Variants in KIAA0232 observed in about 807,000 individuals in gnomAD.
KIAA0232 encodes KIAA0232.
KIAA0232 carries 27 observed loss-of-function variants against 122.0 expected under a neutral mutation model. The observed-to-expected ratio is 0.22, with a 90% CI of 0.16 to 0.31. The LOEUF (loss-of-function observed/expected upper bound fraction) is 0.31. Among genes scored for constraint, KIAA0232 ranks in the 10% least tolerant of loss-of-function variants. The pLI, the probability that KIAA0232 is intolerant of heterozygous loss-of-function variation, is 1.00. For missense variants in KIAA0232, 1,551 were observed against 1,634.2 expected, an observed-to-expected ratio of 0.95 and a Z score of 0.88; for synonymous variants, 613 against 587.6, an observed-to-expected ratio of 1.04 and a Z score of -0.63.
chr4:6,809,400 C>G (rs1470771166), intron 2 of KIAA0232, among the ~76,000 whole-genome samples: 1 of 152,192 alleles, frequency 6.6e-6, no homozygotes, highest in Non-Finnish European at 1.5e-5. Context: ...CCAGTGCCAG[C>G]TTTGGTGCAG....
At chr4:6,875,043 C>T (rs1721678326) in intron 8 of KIAA0232, among the ~76,000 whole-genome samples, 1 of 152,184 alleles carries the variant, frequency 6.6e-6, no homozygotes, top group Admixed American at 6.5e-5. Flanking sequence ...TAAGTGGTGG[C>T]CATATGGAGT....
intron 3 of KIAA0232, 62 bp downstream of exon 3, chr4:6,824,746 TAAAC>T (rs1294501638): frequency 3.5e-5 from 49 of 1,380,642 alleles, no homozygotes; most frequent in Non-Finnish European, 4.1e-5. Context: ...ACATTCCTCT[TAAAC>T]AAGCACTTTT....
intron 2 of KIAA0232, among the ~76,000 whole-genome samples, chr4:6,822,629 T>C (rs1718474464): frequency 6.6e-6 from 1 of 152,182 alleles, no homozygotes; most frequent in Non-Finnish European, 1.5e-5. Flanking sequence ...AAGAATATTA[T>C]GATTTAATAA....
At position 6,849,344 on chromosome 4, in the gene KIAA0232, C is replaced by T. The variant is rs536996035; in HGVS notation, c.369+7140C>T. 1.6e-4 allele frequency among the ~76,000 whole-genome samples: 25 copies of T among 152,246 alleles called. No individual in the cohort carries two copies. In the South Asian group the frequency reaches 1.9e-3, roughly 11 times the overall value. ...AACTGCAAGAATATAATTCCTGGCC[C>T]GGCACAGTGGCTCATGCCTGTAATC... On this transcript the variant is annotated intron_variant, in intron 4 of 9. Transcript: ENST00000307659.
chr4:6,805,288 A>C (rs1216767501), intron 2 of KIAA0232, among the ~76,000 whole-genome samples: 1 of 152,180 alleles, frequency 6.6e-6, no homozygotes, highest in Admixed American at 6.5e-5. Context: ...CTTTGATCCT[A>C]TTCTGAGTTC....
intron 2 of KIAA0232, among the ~76,000 whole-genome samples, chr4:6,808,422 G>C (rs1375646524): frequency 2.0e-5 from 3 of 149,740 alleles, no homozygotes; most frequent in African/African-American, 7.4e-5. Context: ...TTTGTAGTGA[G>C]AAAGGACCAG....
chr4:6,818,529 G>A (rs777747224), intron 2 of KIAA0232, among the ~76,000 whole-genome samples: 5 of 151,742 alleles, frequency 3.3e-5, no homozygotes, highest in Non-Finnish European at 7.4e-5. Flanking sequence ...TCTCACGAAG[G>A]AGGTGAAAGA....
chr4:6,871,827 CAGGG>C (rs1721507108), intron 8 of KIAA0232, 145 bp downstream of exon 8: 1 of 605,138 alleles, frequency 1.7e-6, no homozygotes, highest in Non-Finnish European at 3.0e-6. Context: ...ACTGGGGACA[CAGGG>C]AGGAATGAGA....
intron 9 of KIAA0232, among the ~76,000 whole-genome samples, chr4:6,879,821 A>G (rs1721962151): frequency 1.3e-5 from 1 of 77,986 alleles, no homozygotes; most frequent in African/African-American, 4.8e-5. Flanking sequence ...ACCCATCTGC[A>G]GTGCCCCCCC....
At chr4:6,809,513 C>T (rs972623553) in intron 2 of KIAA0232, among the ~76,000 whole-genome samples, 3 of 152,150 alleles carry the variant, frequency 2.0e-5, no homozygotes, top group African/African-American at 7.2e-5. Flanking sequence ...CCCTGATCAT[C>T]CCTGCCAATC....
At chr4:6,785,040 C>T (rs1716555059) in intron 1 of KIAA0232, among the ~76,000 whole-genome samples, 1 of 151,324 alleles carries the variant, frequency 6.6e-6, no homozygotes, top group Non-Finnish European at 1.5e-5. Context: ...CGGGTACAAG[C>T]GAGTCTCCTG....
Position 6,872,785 on chromosome 4 carries a change from C to T in KIAA0232, c.3910+1103C>T, listed in dbSNP as rs1028062275. The stretch of plus-strand genomic sequence containing the variant: ...AGCCAAGTGACTTCTCTCTCACTAG[C>T]CACGATGCCCTGCACACGCCTGTGT... On this transcript the variant is annotated intron_variant, in intron 8 of 9. Transcript: ENST00000307659. Among the ~76,000 whole-genome samples, 7 of 152,246 alleles carry T rather than the reference C, an allele frequency of 4.6e-5. No individual in the cohort carries two copies. The East Asian group carries it at 5.8e-4, about 13-fold the overall frequency.
intron 4 of KIAA0232, among the ~76,000 whole-genome samples, chr4:6,854,186 A>G (rs1720452115): frequency 6.6e-6 from 1 of 152,236 alleles, no homozygotes; most frequent in Non-Finnish European, 1.5e-5. Flanking sequence ...TCTAGAAATG[A>G]CACCAACATT....
intron 1 of KIAA0232, among the ~76,000 whole-genome samples, chr4:6,804,251 C>G (rs567908385): frequency 4.6e-5 from 7 of 152,118 alleles, no homozygotes; most frequent in East Asian, 1.9e-4. Flanking sequence ...CCTGCTCTAG[C>G]GGGCCTCCCT....
At chr4:6,864,317 C>A in intron 7 of KIAA0232, 134 bp downstream of exon 7, 1 of 1,003,986 alleles carries the variant, frequency 1.0e-6, no homozygotes, top group Non-Finnish European at 1.4e-6. Context: ...TTAAATTGTT[C>A]TAATTTTACA....
intron 2 of KIAA0232, among the ~76,000 whole-genome samples, chr4:6,813,780 T>C (rs1449563419): frequency 4.6e-5 from 7 of 152,246 alleles, no homozygotes; most frequent in Admixed American, 1.3e-4. Context: ...TTTAGTTAAG[T>C]CCCTGGGCTG....
intron 1 of KIAA0232, among the ~76,000 whole-genome samples, chr4:6,784,691 G>A (rs541618509): frequency 4.5e-4 from 68 of 152,304 alleles, no homozygotes; most frequent in African/African-American, 1.5e-3. Flanking sequence ...GTGGTTTACA[G>A]CTTCCTTGGG....
intron 3 of KIAA0232, among the ~76,000 whole-genome samples, chr4:6,835,629 C>T (rs553466828): frequency 8.6e-4 from 131 of 152,272 alleles, no homozygotes; most frequent in African/African-American, 3.0e-3. Context: ...CTCCCCGCCT[C>T]CCAACAGGCC....
chr4:6,866,406 C>G (rs1040522720), intron 7 of KIAA0232: 9 of 165,158 alleles, frequency 5.4e-5, no homozygotes, highest in Non-Finnish European at 1.1e-4. Flanking sequence ...CATTGTTATA[C>G]TTTAGAAGCC....
Sources: gnomAD v4.1 joint callset for allele counts (sites outside exome capture counted in the v4.1 genomes callset) on GRCh38, gnomAD v4.1.1 for gene constraint, MANE v1.5 for transcripts, NCBI Gene and HGNC (gene_info 2026-07-23, HGNC 2026-07-21) for gene names.